LHFPL2: variants seen among roughly 807,000 people sequenced by gnomAD.
The protein encoded by LHFPL2 is LHFPL tetraspan subfamily member 2 protein.
In LHFPL2, 7 loss-of-function variants were observed where a neutral mutation model predicts 17.5. The observed-to-expected ratio is 0.40, with a 90% CI of 0.23 to 0.75. LHFPL2 has a LOEUF of 0.75. LHFPL2 is among the 30% of genes least tolerant of loss of function. LHFPL2 has a pLI of 0.37. For missense variants in LHFPL2, 241 were observed against 294.8 expected, an observed-to-expected ratio of 0.82 and a Z score of 1.34; for synonymous variants, 134 against 116.2, an observed-to-expected ratio of 1.15 and a Z score of -0.99.
chr5:78,647,709 A>C (rs1457305097), intron 1 of LHFPL2, among the ~76,000 whole-genome samples: 1 of 152,154 alleles, frequency 6.6e-6, no homozygotes, highest in Non-Finnish European at 1.5e-5. Context: ...TGAAACAAGC[A>C]CATGGACTTT....
intron 4 of LHFPL2, among the ~76,000 whole-genome samples, chr5:78,508,536 G>C (rs1755005445): frequency 6.6e-6 from 1 of 152,178 alleles, no homozygotes. Context: ...TAAGATCTGA[G>C]GAACAGTAAA....
At chr5:78,489,174 C>G (rs768192438) in intron 4 of LHFPL2, 21 bp from the exon 5 acceptor site, 2 of 1,612,754 alleles carry the variant, frequency 1.2e-6, no homozygotes, top group Non-Finnish European at 1.7e-6. Context: ...AAAGAGAAAA[C>G]AGATTAGAAA....
chr5:78,524,976 A>G (rs936923714), intron 3 of LHFPL2, among the ~76,000 whole-genome samples: 2 of 152,212 alleles, frequency 1.3e-5, no homozygotes, highest in Non-Finnish European at 2.9e-5. Flanking sequence ...ATGTTTCTAG[A>G]TATAACAGGG....
intron 2 of LHFPL2, among the ~76,000 whole-genome samples, chr5:78,621,877 C>A (rs773518599): frequency 1.3e-5 from 2 of 152,082 alleles, no homozygotes; most frequent in African/African-American, 4.8e-5. Flanking sequence ...TCCCCTTTCC[C>A]CCTAAGCTGT....
At chr5:78,497,843 C>T (rs1337845266) in intron 4 of LHFPL2, among the ~76,000 whole-genome samples, 1 of 152,194 alleles carries the variant, frequency 6.6e-6, no homozygotes, top group East Asian at 1.9e-4. Context: ...GTTAGGAAAT[C>T]ACACAGAAAA....
chr5:78,499,871 A>G (rs1580747669), intron 4 of LHFPL2, among the ~76,000 whole-genome samples: 1 of 152,292 alleles, frequency 6.6e-6, no homozygotes, highest in Middle Eastern at 3.4e-3. Flanking sequence ...CCACTTTGGA[A>G]TGGCTGCCCT....
At chr5:78,518,236 C>G (rs1285166997) in intron 3 of LHFPL2, among the ~76,000 whole-genome samples, 1 of 152,152 alleles carries the variant, frequency 6.6e-6, no homozygotes, top group Non-Finnish European at 1.5e-5. Context: ...TAAAGTGAAC[C>G]TCTTGTGTCT....
chr5:78,519,553 T>G (rs1247847506), intron 3 of LHFPL2, among the ~76,000 whole-genome samples: 1 of 152,224 alleles, frequency 6.6e-6, no homozygotes, highest in Non-Finnish European at 1.5e-5. Flanking sequence ...ACACTTAATC[T>G]GAACCCTGGT....
chr5:78,639,426 T>C (rs1257595923), intron 1 of LHFPL2, among the ~76,000 whole-genome samples: 1 of 152,128 alleles, frequency 6.6e-6, no homozygotes, highest in Non-Finnish European at 1.5e-5. Context: ...AAAAATGACT[T>C]ACAGTCACCA....
At chr5:78,586,814 A>G (rs1350060079) in intron 2 of LHFPL2, among the ~76,000 whole-genome samples, 1 of 152,190 alleles carries the variant, frequency 6.6e-6, no homozygotes, top group Admixed American at 6.5e-5. Context: ...ATTTTCTAGC[A>G]ATTATTATTT....
At chr5:78,490,762 AAAGC>A (rs1246353088) in intron 4 of LHFPL2, among the ~76,000 whole-genome samples, 2 of 151,550 alleles carry the variant, frequency 1.3e-5, no homozygotes, top group Non-Finnish European at 2.9e-5. Flanking sequence ...AAAAAAAAAA[AAAGC>A]AAGATACTGC....
chr5:78,557,311 T>C (rs972760694), intron 3 of LHFPL2, among the ~76,000 whole-genome samples: 6 of 152,228 alleles, frequency 3.9e-5, no homozygotes, highest in African/African-American at 1.2e-4. Context: ...AGTTTCCAGA[T>C]GAATAGACTT....
At chr5:78,645,025 C>A (rs1178282078) in intron 1 of LHFPL2, among the ~76,000 whole-genome samples, 3 of 152,116 alleles carry the variant, frequency 2.0e-5, no homozygotes, top group Admixed American at 1.3e-4. Context: ...TGAATACTTT[C>A]TAAAGTACAG....
chr5:78,639,089 G>A (rs1264804478), intron 1 of LHFPL2, among the ~76,000 whole-genome samples: 1 of 152,092 alleles, frequency 6.6e-6, no homozygotes, highest in Non-Finnish European at 1.5e-5. Context: ...GCCTAACATG[G>A]CTGGTCAGAC....
intron 2 of LHFPL2, among the ~76,000 whole-genome samples, chr5:78,599,298 C>T (rs912593058): frequency 1.2e-4 from 18 of 151,528 alleles, no homozygotes; most frequent in Admixed American, 1.3e-4. Context: ...TTTTTTTGGG[C>T]GGGGAGCACA....
At chr5:78,644,644 G>A in intron 1 of LHFPL2, 1 of 339,256 alleles carries the variant, frequency 2.9e-6, no homozygotes, top group Non-Finnish European at 5.7e-6. Flanking sequence ...TTCATAATGG[G>A]TCTTGTCCAT....
intron 3 of LHFPL2, among the ~76,000 whole-genome samples, chr5:78,539,452 T>G (rs1756042507): frequency 6.6e-6 from 1 of 152,192 alleles, no homozygotes; most frequent in Admixed American, 6.5e-5. Context: ...TAGCTTACTA[T>G]TTCACTGACT....
intron 2 of LHFPL2, among the ~76,000 whole-genome samples, chr5:78,575,149 C>T (rs1434363254): frequency 1.3e-5 from 2 of 152,142 alleles, no homozygotes; most frequent in Non-Finnish European, 2.9e-5. Context: ...CTGCAGGCAA[C>T]CCCCACAGGG....
chr5:78,598,588 C>G (rs191366029), intron 2 of LHFPL2, among the ~76,000 whole-genome samples: 1 of 152,350 alleles, frequency 6.6e-6, no homozygotes, highest in Admixed American at 6.5e-5. Context: ...TAAGTACTTA[C>G]TTTGAAAAAA....
Sources: gnomAD v4.1 joint callset for allele counts (sites outside exome capture counted in the v4.1 genomes callset) on GRCh38, gnomAD v4.1.1 for gene constraint, MANE v1.5 for transcripts, NCBI Gene and HGNC (gene_info 2026-07-23, HGNC 2026-07-21) for gene names.